The following PIK3C2G variants were observed in gnomAD, a reference collection of about 807,000 sequenced individuals.
PIK3C2G encodes the protein phosphatidylinositol 3-kinase C2 domain-containing subunit gamma.
In PIK3C2G, 168 loss-of-function variants were observed where a neutral mutation model predicts 181.1. The ratio of observed to expected loss-of-function variants is 0.93; its 90% CI spans 0.82 to 1.05. The LOEUF is 1.05. Ranked by LOEUF, PIK3C2G falls within the 50% of genes least tolerant of loss-of-function variation. PIK3C2G has a pLI of 0.00. For synonymous variants in PIK3C2G, 573 were observed against 592.2 expected (o/e 0.97, Z 0.47); for missense variants, 1,869 against 1,732.8 (o/e 1.08, Z -1.40).
At chr12:18,658,569 T>C in the PIK3C2G span, among the ~76,000 whole-genome samples, 2 of 152,152 alleles carry the variant, frequency 1.3e-5, no homozygotes, top group East Asian at 3.8e-4. Flanking sequence ...AAGAGATCTA[T>C]ATTTGATAAA....
At chr12:18,719,259 C>T in the PIK3C2G span, among the ~76,000 whole-genome samples, 7 of 152,146 alleles carry the variant, frequency 4.6e-5, no homozygotes, top group African/African-American at 1.4e-4. Context: ...GTTGCCACTT[C>T]ATCCAAATGT....
chr12:18,602,511 C>A (rs1947789612), intron 30 of PIK3C2G, among the ~76,000 whole-genome samples: 1 of 151,746 alleles, frequency 6.6e-6, no homozygotes. Flanking sequence ...ACTGCTGGTC[C>A]CCCTCCACAT....
At chr12:18,373,572 G>A (rs576708880) in intron 13 of PIK3C2G, among the ~76,000 whole-genome samples, 202 of 152,220 alleles carry the variant, frequency 1.3e-3, no homozygotes, top group Non-Finnish European at 2.3e-3. Flanking sequence ...AGTCTTGGCC[G>A]GGCACGGTGG....
At chr12:18,693,107 A>C in the PIK3C2G span, 1 of 1,527,450 alleles carries the variant, frequency 6.5e-7, no homozygotes. Flanking sequence ...TGTCAGTAGG[A>C]ATCTTGGAAG....
intron 5 of PIK3C2G, among the ~76,000 whole-genome samples, chr12:18,303,138 C>CTTTCTTTCTTTCTTTCTTTCTTTT (rs1422309361): frequency 9.1e-5 from 12 of 131,194 alleles, no homozygotes; most frequent in African/African-American, 3.5e-4. Flanking sequence ...TTCTTTCTTT[C>CTTTCTTTCTTTCTTTCTTTCTTTT]TTTTCTTTTC....
At chr12:18,723,793 G>A in the PIK3C2G span, among the ~76,000 whole-genome samples, 2 of 152,166 alleles carry the variant, frequency 1.3e-5, no homozygotes, top group African/African-American at 4.8e-5. Flanking sequence ...AGGATTCCAG[G>A]TTGTCTTTCA....
intron 2 of PIK3C2G, among the ~76,000 whole-genome samples, chr12:18,283,847 T>C (rs1949327119): frequency 1.3e-5 from 2 of 152,152 alleles, no homozygotes; most frequent in South Asian, 2.1e-4. Flanking sequence ...AATCAGGTGA[T>C]TGAAGGTGTT....
chr12:18,627,951 T>G (rs1483243807), intron 31 of PIK3C2G, among the ~76,000 whole-genome samples: 1 of 152,178 alleles, frequency 6.6e-6, no homozygotes, highest in Non-Finnish European at 1.5e-5. Flanking sequence ...AATAACCTAT[T>G]AAATACAATT....
intron 27 of PIK3C2G, 54 bp downstream of exon 27, chr12:18,562,946 C>A: frequency 8.9e-7 from 1 of 1,129,894 alleles, no homozygotes; most frequent in Non-Finnish European, 1.3e-6. Context: ...TTATCTCAGA[C>A]TTCTCTTCAC....
intron 32 of PIK3C2G, among the ~76,000 whole-genome samples, chr12:18,645,113 A>G (rs1950047679): frequency 1.3e-5 from 2 of 152,160 alleles, no homozygotes; most frequent in South Asian, 4.1e-4. Context: ...AATTATTAGA[A>G]AAAGAAATTA....
intron 18 of PIK3C2G, among the ~76,000 whole-genome samples, chr12:18,477,414 T>C (rs1939112178): frequency 6.6e-6 from 1 of 152,066 alleles, no homozygotes; most frequent in African/African-American, 2.4e-5. Flanking sequence ...AAAAGGACAA[T>C]TATACCTGCC....
intron 18 of PIK3C2G, among the ~76,000 whole-genome samples, chr12:18,465,958 C>A (rs1555195170): frequency 6.6e-6 from 1 of 151,218 alleles, no homozygotes; most frequent in Non-Finnish European, 1.5e-5. Flanking sequence ...CTACATACTT[C>A]TTTTTTTATC....
Position 18,376,697 on chromosome 12 carries a change from G to A in PIK3C2G, c.1881-5069G>A, listed in dbSNP as rs138953296. ...GTTTCCAGTGTTGGAGGTAGGACAC[G>A]GTGGGAGATGTTTGGATCATGGAGA... On this transcript the variant is annotated intron_variant, in intron 13 of 32. Transcript: ENST00000538779. 7.7e-3 allele frequency among the ~76,000 whole-genome samples: 1,177 copies of A among 152,240 alleles called. 6 individuals carry two copies. Among genetic ancestry groups the A allele is most frequent in the Non-Finnish European group, 0.011 (756 of 68,014 alleles).
At chr12:18,622,028 A>C (rs1400139635) in intron 31 of PIK3C2G, among the ~76,000 whole-genome samples, 1 of 151,946 alleles carries the variant, frequency 6.6e-6, no homozygotes, top group Non-Finnish European at 1.5e-5. Flanking sequence ...TAAGCTAATT[A>C]ACATATATCA....
At chr12:18,634,541 C>T (rs576388549) in intron 31 of PIK3C2G, among the ~76,000 whole-genome samples, 47 of 152,270 alleles carry the variant, frequency 3.1e-4, no homozygotes, top group African/African-American at 6.3e-4. Flanking sequence ...TGTAATCAAC[C>T]GGCCATCAGA....
intron 18 of PIK3C2G, among the ~76,000 whole-genome samples, chr12:18,434,329 C>T (rs565377457): frequency 2.6e-5 from 4 of 152,232 alleles, no homozygotes; most frequent in South Asian, 2.1e-4. Context: ...ATTTCCAGCT[C>T]ATGAATTTTT....
intron 18 of PIK3C2G, among the ~76,000 whole-genome samples, chr12:18,483,691 T>A (rs1219781244): frequency 6.6e-6 from 1 of 150,898 alleles, no homozygotes; most frequent in Non-Finnish European, 1.5e-5. Context: ...CCCCCGAGAA[T>A]GTTTAAAAAA....
At position 18,393,483 on chromosome 12, in the gene PIK3C2G, A is replaced by G. The variant is rs144010698; in HGVS notation, c.2126+2231A>G. Among the ~76,000 whole-genome samples, 237 of 152,184 alleles carry G rather than the reference A, an allele frequency of 1.6e-3. 1 individual carries two copies. Among genetic ancestry groups the G allele is most frequent in the Non-Finnish European group, 2.5e-3 (173 of 67,952 alleles). ...ATCAGAGTGAGGAAGTTCAGACTCA[A>G]TGAAACTCAGTGAAAATATGCCTGT... On this transcript the variant is annotated intron_variant, in intron 15 of 32. Transcript: ENST00000538779.
intron 31 of PIK3C2G, among the ~76,000 whole-genome samples, chr12:18,628,680 G>T (rs1949210781): frequency 6.6e-6 from 1 of 152,218 alleles, no homozygotes; most frequent in Non-Finnish European, 1.5e-5. Flanking sequence ...TGAGAAAGAA[G>T]TATCCTCACT....
Sources: gnomAD v4.1 joint callset for allele counts (sites outside exome capture counted in the v4.1 genomes callset) on GRCh38, gnomAD v4.1.1 for gene constraint, MANE v1.5 for transcripts, NCBI Gene and HGNC (gene_info 2026-07-23, HGNC 2026-07-21) for gene names.